HCN1: variants seen among roughly 807,000 people sequenced by gnomAD.
HCN1 encodes potassium/sodium hyperpolarization-activated cyclic nucleotide-gated channel 1.
A neutral mutation model predicts 78.9 loss-of-function variants in HCN1; 13 were observed. The ratio of observed to expected loss-of-function variants is 0.16; its 90% CI spans 0.11 to 0.26. The LOEUF is 0.26. HCN1 is among the 10% of genes least tolerant of loss of function. HCN1 has a pLI of 1.00. For synonymous variants in HCN1, 552 were observed against 455.5 expected (o/e 1.21, Z -2.70); for missense variants, 810 against 1,154.3 (o/e 0.70, Z 4.32).
Position 45,267,463 on chromosome 5 carries a change from T to A in HCN1, c.1619-210A>T, listed in dbSNP as rs774992569. ...AATGTTTTTTTGTTTTGTTTTGTTTTAAAAAAAAAAAAAACAGTTGAGAAG... is the reference window on the plus strand; with the variant it reads ...AATGTTTTTTTGTTTTGTTTTGTTTAAAAAAAAAAAAAAACAGTTGAGAAG... On this transcript the variant is annotated intron_variant, in intron 6 of 7. Coordinates refer to ENST00000303230, the MANE Select transcript of HCN1 (RefSeq NM_021072.4). Among the ~76,000 whole-genome samples, 4,057 of 141,526 alleles carry A rather than the reference T, an allele frequency of 0.029. 115 individuals carry two copies. Among genetic ancestry groups the A allele is most frequent in the Admixed American group, 0.094 (1,327 of 14,130 alleles). 92.8% of individuals were successfully genotyped at this position (141,526 alleles called of 152,430 possible).
chr5:45,507,845 T>C (rs1014073348), intron 2 of HCN1, among the ~76,000 whole-genome samples: 5 of 152,132 alleles, frequency 3.3e-5, no homozygotes, highest in African/African-American at 4.8e-5. Flanking sequence ...AATATTTGAA[T>C]AAATATAAAG....
At chr5:45,363,592 G>T in intron 4 of HCN1, among the ~76,000 whole-genome samples, 1 of 151,842 alleles carries the variant, frequency 6.6e-6, no homozygotes, top group Admixed American at 6.6e-5. Context: ...ATATGGTTTG[G>T]CTGTGTCCAC....
intron 6 of HCN1, among the ~76,000 whole-genome samples, chr5:45,300,437 G>A (rs934386956): frequency 3.3e-5 from 5 of 151,870 alleles, no homozygotes; most frequent in Non-Finnish European, 5.9e-5. Context: ...TGAAGACCTT[G>A]ATGATGATCC....
chr5:45,666,433 G>A (rs540540058), intron 1 of HCN1, among the ~76,000 whole-genome samples: 8 of 151,992 alleles, frequency 5.3e-5, no homozygotes, highest in South Asian at 4.1e-4. Context: ...GGCAACAACC[G>A]TGTCATTGTT....
chr5:45,368,308 T>A lies in HCN1; in HGVS notation c.1231-15062A>T, dbSNP rs564773969. Among the ~76,000 whole-genome samples the A allele has an allele frequency of 2.0e-5, 3 of 152,148 alleles. No individual in the cohort carries two copies. The South Asian group carries it at 6.2e-4, about 32-fold the overall frequency. ...GACACATTTAATCCATAGTCACTGCTAATGAACATTTTCTTAGTCAGGTGT... is the reference window on the plus strand; with the variant it reads ...GACACATTTAATCCATAGTCACTGCAAATGAACATTTTCTTAGTCAGGTGT... On this transcript the variant is annotated intron_variant, in intron 4 of 7. Transcript: ENST00000303230.
chr5:45,371,827 C>A (rs1377896000), intron 4 of HCN1, among the ~76,000 whole-genome samples: 1 of 128,350 alleles, frequency 7.8e-6, no homozygotes, highest in African/African-American at 2.9e-5. Flanking sequence ...CTGTTTTCTA[C>A]TATTTATATT....
At chr5:45,541,728 T>C (rs578149104) in intron 2 of HCN1, among the ~76,000 whole-genome samples, 1 of 152,334 alleles carries the variant, frequency 6.6e-6, no homozygotes, top group East Asian at 1.9e-4. Context: ...CTTACTGATG[T>C]ATCTTTTCTT....
chr5:45,629,795 T>C (rs1042643764), intron 2 of HCN1, among the ~76,000 whole-genome samples: 2 of 152,130 alleles, frequency 1.3e-5, no homozygotes, highest in South Asian at 4.1e-4. Flanking sequence ...TCTTAAGAAT[T>C]GTAATTATCT....
chr5:45,344,139 A>C (rs1746647602), intron 5 of HCN1, among the ~76,000 whole-genome samples: 1 of 152,126 alleles, frequency 6.6e-6, no homozygotes, highest in African/African-American at 2.4e-5. Flanking sequence ...AGCAAGGAGA[A>C]GTGATGAGCA....
In HCN1 at chr5:45,634,915, A is replaced by C. The variant is rs16902192; in HGVS notation, c.849+10270T>G. ...CAAAATGAATATTTTCACACAATGA[A>C]GAACCACTTCCCACACTAAGAAACT... On this transcript the variant is annotated intron_variant, in intron 2 of 7. Transcript: ENST00000303230. Among the ~76,000 whole-genome samples, 736 of 152,180 alleles carry C rather than the reference A, an allele frequency of 4.8e-3. 3 individuals carry two copies. Among genetic ancestry groups the C allele is most frequent in the African/African-American group, 0.017 (702 of 41,558 alleles).
intron 5 of HCN1, among the ~76,000 whole-genome samples, chr5:45,336,152 C>T (rs933184248): frequency 4.0e-5 from 6 of 151,880 alleles, no homozygotes; most frequent in Non-Finnish European, 7.4e-5. Flanking sequence ...CAGGGAAAGC[C>T]AGGTCAGGCA....
rs188352962 is a variant in HCN1, at chr5:45,575,825, T to G, written c.849+69360A>C. On this transcript the variant is annotated intron_variant, in intron 2 of 7. Coordinates refer to ENST00000303230, the MANE Select transcript of HCN1 (RefSeq NM_021072.4). ...AATTTAATGCTGTTTTCATGACTGC[T>G]AACACAGCATCCATTCTGCAGCCCA... 290 of 152,298 alleles carry G rather than the reference T, an allele frequency of 1.9e-3. 1 individual carries two copies. Among genetic ancestry groups the G allele is most frequent in the African/African-American group, 6.8e-3 (281 of 41,584 alleles). 9.4% of individuals were successfully genotyped at this position (152,298 alleles called of 1,614,324 possible). A position where few individuals can be genotyped will look rare whatever the true frequency, so the allele number is the denominator to read the frequency against.
intron 3 of HCN1, among the ~76,000 whole-genome samples, chr5:45,419,160 G>C (rs1452021526): frequency 6.6e-6 from 1 of 152,042 alleles, no homozygotes; most frequent in Non-Finnish European, 1.5e-5. Context: ...AAAACCTAAA[G>C]GACTTTGAGC....
intron 1 of HCN1, among the ~76,000 whole-genome samples, chr5:45,661,392 G>T (rs1367568993): frequency 6.6e-6 from 1 of 150,780 alleles, no homozygotes; most frequent in African/African-American, 2.5e-5. Context: ...ACAATTAAAA[G>T]AACTAGAAAA....
chr5:45,387,315 T>C (rs1314982381), intron 4 of HCN1, among the ~76,000 whole-genome samples: 2 of 152,074 alleles, frequency 1.3e-5, no homozygotes, highest in African/African-American at 4.8e-5. Flanking sequence ...ATACTATTTA[T>C]GATACAAATA....
At chr5:45,672,722 A>C (rs1026737573) in intron 1 of HCN1, among the ~76,000 whole-genome samples, 3 of 151,510 alleles carry the variant, frequency 2.0e-5, no homozygotes, top group South Asian at 2.1e-4. Flanking sequence ...AATTTTTTTT[A>C]ATTGGAGAGG....
At chr5:45,371,808 G>A (rs1188320671) in intron 4 of HCN1, among the ~76,000 whole-genome samples, 21 of 134,694 alleles carry the variant, frequency 1.6e-4, no homozygotes, top group African/African-American at 5.8e-4. Flanking sequence ...CACACAAGGT[G>A]TATATGTGCT....
At chr5:45,471,864 G>A (rs1579916073) in intron 2 of HCN1, among the ~76,000 whole-genome samples, 1 of 151,836 alleles carries the variant, frequency 6.6e-6, no homozygotes, top group African/African-American at 2.4e-5. Context: ...ATTGATTTGT[G>A]TCTATCATTA....
intron 5 of HCN1, among the ~76,000 whole-genome samples, chr5:45,349,376 G>C (rs568357625): frequency 3.9e-5 from 6 of 152,196 alleles, no homozygotes; most frequent in Admixed American, 3.9e-4. Flanking sequence ...TCAAAGTAGT[G>C]TGTAGAGGGA....
Sources: gnomAD v4.1 joint callset for allele counts (sites outside exome capture counted in the v4.1 genomes callset) on GRCh38, gnomAD v4.1.1 for gene constraint, MANE v1.5 for transcripts, NCBI Gene and HGNC (gene_info 2026-07-23, HGNC 2026-07-21) for gene names.